The following ANKRD31 variants were observed in gnomAD, a reference collection of about 807,000 sequenced individuals.
ANKRD31 encodes the protein ankyrin repeat domain 31.
A neutral mutation model predicts 186.0 loss-of-function variants in ANKRD31; 147 were observed. The observed-to-expected ratio is 0.79, with a 90% CI of 0.69 to 0.91. The LOEUF (loss-of-function observed/expected upper bound fraction) is 0.91, where lower values mean the gene tolerates loss of function less well. ANKRD31 is among the 40% of genes least tolerant of loss of function. The pLI is 0.00. For synonymous variants in ANKRD31, 673 were observed against 736.4 expected (o/e 0.91, Z 1.39); for missense variants, 1,986 against 2,148.8 (o/e 0.92, Z 1.50).
intron 12 of ANKRD31, among the ~76,000 whole-genome samples, chr5:75,151,818 G>A (rs372688679): frequency 6.6e-6 from 1 of 152,024 alleles, no homozygotes; most frequent in East Asian, 1.9e-4. Flanking sequence ...GGACATGAAG[G>A]AGCCTGGGTT....
In ANKRD31 at chr5:75,153,362, T is replaced by C. The variant is rs189766453; in HGVS notation, c.1852+839A>G. 2.0e-5 allele frequency among the ~76,000 whole-genome samples: 3 copies of C among 152,248 alleles called. No individual in the cohort carries two copies. In the East Asian group the frequency reaches 5.8e-4, roughly 29 times the overall value. On this transcript the variant is annotated intron_variant, in intron 12 of 25. Transcript: ENST00000506364. ...TTAAGCTGCTAAGTATTAGGATTCG[T>C]TGTTACATACTGATAGATAACTAAT...
intron 17 of ANKRD31, among the ~76,000 whole-genome samples, chr5:75,130,459 C>T (rs548038055): frequency 6.6e-6 from 1 of 151,768 alleles, no homozygotes; most frequent in African/African-American, 2.4e-5. Context: ...TTAAAGAGAG[C>T]TGATTGGTCC....
chr5:75,216,754 C>T (rs1756984411), intron 3 of ANKRD31, among the ~76,000 whole-genome samples: 1 of 152,042 alleles, frequency 6.6e-6, no homozygotes, highest in Non-Finnish European at 1.5e-5. Flanking sequence ...CTCTGGTTAG[C>T]TAACTTACTT....
At chr5:75,214,005 A>T (rs1756810052) in intron 3 of ANKRD31, among the ~76,000 whole-genome samples, 1 of 152,226 alleles carries the variant, frequency 6.6e-6, no homozygotes, top group Admixed American at 6.5e-5. Flanking sequence ...CGTTTGAAGT[A>T]CCTGGATGAA....
intron 19 of ANKRD31, among the ~76,000 whole-genome samples, chr5:75,115,549 A>G (rs1205428952): frequency 6.6e-6 from 1 of 151,286 alleles, no homozygotes; most frequent in Non-Finnish European, 1.5e-5. Context: ...AATGAACTCA[A>G]ACAAATTTAC....
chr5:75,197,207 A>G (rs1206696334), intron 6 of ANKRD31, among the ~76,000 whole-genome samples: 2 of 152,180 alleles, frequency 1.3e-5, no homozygotes, highest in South Asian at 2.1e-4. Context: ...CAGCCTCACA[A>G]TGTTTCTAAT....
intron 5 of ANKRD31, among the ~76,000 whole-genome samples, chr5:75,200,369 G>C (rs952376748): frequency 3.3e-5 from 5 of 150,922 alleles, no homozygotes; most frequent in African/African-American, 1.2e-4. Context: ...CACGATCTTG[G>C]CTCACAGCAA....
intron 11 of ANKRD31, among the ~76,000 whole-genome samples, chr5:75,167,549 AT>A (rs1753015640): frequency 6.6e-6 from 1 of 152,210 alleles, no homozygotes; most frequent in Non-Finnish European, 1.5e-5. Context: ...AGGATATGCC[AT>A]GGTGCCAAGA....
intron 4 of ANKRD31, among the ~76,000 whole-genome samples, chr5:75,207,384 G>GT (rs1561537236): frequency 6.6e-6 from 1 of 152,034 alleles, no homozygotes; most frequent in African/African-American, 2.4e-5. Flanking sequence ...TAAAACCATA[G>GT]TTTAACAGAA....
chr5:75,161,287 G>A (rs1580456328), intron 11 of ANKRD31, among the ~76,000 whole-genome samples: 1 of 152,182 alleles, frequency 6.6e-6, no homozygotes, highest in African/African-American at 2.4e-5. Context: ...GTTGGTAACT[G>A]GAGCAAAGGT....
chr5:75,223,797 G>A (rs920804339), intron 2 of ANKRD31, among the ~76,000 whole-genome samples: 1 of 152,054 alleles, frequency 6.6e-6, no homozygotes, highest in African/African-American at 2.4e-5. Context: ...TTTAGATGAG[G>A]TATTGAGGGT....
At chr5:75,195,068 T>TAATA (rs1755373216) in intron 7 of ANKRD31, among the ~76,000 whole-genome samples, 1 of 152,196 alleles carries the variant, frequency 6.6e-6, no homozygotes. Flanking sequence ...CCTCCAGGCA[T>TAATA]AATACTACAA....
intron 6 of ANKRD31, 131 bp downstream of exon 6, chr5:75,199,500 A>AT (rs1755677545): frequency 5.7e-6 from 3 of 529,788 alleles, no homozygotes; most frequent in South Asian, 3.7e-5. Context: ...ACAAGAATAG[A>AT]TTTTTATCTA....
chr5:75,211,866 A>G (rs925832671), intron 3 of ANKRD31, among the ~76,000 whole-genome samples: 4 of 150,114 alleles, frequency 2.7e-5, no homozygotes, highest in Admixed American at 1.3e-4. Flanking sequence ...AGTTGTAAGA[A>G]CTCTTTATAT....
At chr5:75,088,159 T>G (rs1745642941) in intron 23 of ANKRD31, among the ~76,000 whole-genome samples, 1 of 152,208 alleles carries the variant, frequency 6.6e-6, no homozygotes, top group Non-Finnish European at 1.5e-5. Context: ...TTCCATCAGT[T>G]TCTATGCTCC....
intron 11 of ANKRD31, among the ~76,000 whole-genome samples, chr5:75,155,984 G>T (rs1440162381): frequency 6.6e-6 from 1 of 151,562 alleles, no homozygotes; most frequent in East Asian, 1.9e-4. Flanking sequence ...TTAGCTCACT[G>T]CAACCTCTGC....
At chr5:75,145,694 C>T (rs1751381543) in intron 14 of ANKRD31, among the ~76,000 whole-genome samples, 1 of 151,962 alleles carries the variant, frequency 6.6e-6, no homozygotes, top group Admixed American at 6.6e-5. Flanking sequence ...AACAAATCTG[C>T]ACGTTCTACA....
intron 25 of ANKRD31, among the ~76,000 whole-genome samples, chr5:75,074,716 CTAAAA>C (rs1433027336): frequency 2.0e-5 from 3 of 152,068 alleles, no homozygotes; most frequent in Non-Finnish European, 2.9e-5. Context: ...ACCCCTGAAC[CTAAAA>C]TAAAAGATTT....
intron 15 of ANKRD31, among the ~76,000 whole-genome samples, chr5:75,140,607 A>G (rs1047222460): frequency 6.6e-6 from 1 of 152,122 alleles, no homozygotes; most frequent in African/African-American, 2.4e-5. Context: ...ATATTTCCAT[A>G]TTGAGGGTAT....
Sources: allele counts gnomAD v4.1 joint callset (sites outside exome capture counted in the v4.1 genomes callset), GRCh38; gene constraint gnomAD v4.1.1; transcripts MANE v1.5; gene names NCBI Gene and HGNC (gene_info 2026-07-23, HGNC 2026-07-21).